Variants in HTT-AS observed in about 807,000 individuals in gnomAD.
HTT-AS encodes HTT antisense RNA.
exon 2 of HTT-AS, among the ~76,000 whole-genome samples, chr4:3,062,475 G>A (rs570466480): frequency 3.3e-5 from 5 of 152,176 alleles, no homozygotes; most frequent in East Asian, 3.9e-4. Flanking sequence ...TTCGATTCTA[G>A]GCACAGCATG....
chr4:3,058,811 C>T (rs1203171254), intron 2 of HTT-AS, among the ~76,000 whole-genome samples: 3 of 151,920 alleles, frequency 2.0e-5, no homozygotes, highest in Admixed American at 6.6e-5. Context: ...TCTCCACCTC[C>T]GAGGTTCCAG....
At chr4:3,067,530 C>T (rs1446830428) in intron 1 of HTT-AS, among the ~76,000 whole-genome samples, 1 of 152,218 alleles carries the variant, frequency 6.6e-6, no homozygotes, top group Non-Finnish European at 1.5e-5. Context: ...AAGTTCTCAT[C>T]ATCCCAGGGC....
At chr4:3,054,824 C>T (rs1172807176) in intron 2 of HTT-AS, among the ~76,000 whole-genome samples, 1 of 151,732 alleles carries the variant, frequency 6.6e-6, no homozygotes, top group Non-Finnish European at 1.5e-5. Flanking sequence ...AAGCGATTCT[C>T]CTGCCTCAGC....
intron 1 of HTT-AS, among the ~76,000 whole-genome samples, chr4:3,071,027 C>A (rs181381520): frequency 6.6e-6 from 1 of 152,216 alleles, no homozygotes; most frequent in South Asian, 2.1e-4. Context: ...AAGTCTTTCA[C>A]ATTAGATTTC....
chr4:3,048,178 C>A (rs1374303108), downstream of HTT-AS, among the ~76,000 whole-genome samples: 1 of 151,872 alleles, frequency 6.6e-6, no homozygotes, highest in African/African-American at 2.4e-5. Context: ...CTCATCTCCG[C>A]AGGTGAGGAG....
chr4:3,049,359 G>A (rs1435576582), exon 3 of HTT-AS, among the ~76,000 whole-genome samples: 1 of 152,074 alleles, frequency 6.6e-6, no homozygotes, highest in Non-Finnish European at 1.5e-5. Context: ...AGGAGGCAGA[G>A]GTTGCAGTGA....
At chr4:3,047,226 G>T (rs1253732042), downstream of HTT-AS, among the ~76,000 whole-genome samples, 5 of 152,230 alleles carry the variant, frequency 3.3e-5, no homozygotes, top group East Asian at 1.9e-4. Flanking sequence ...CAGGAGAATG[G>T]CATGAACCCG....
chr4:3,074,374 T>A (rs1294506687), intron 1 of HTT-AS: 1 of 134,830 alleles, frequency 7.4e-6, no homozygotes, highest in Non-Finnish European at 1.6e-5. Flanking sequence ...TCCCGCCCCG[T>A]CCCTTCCTCG....
chr4:3,047,323 CA>C (rs1430796746), downstream of HTT-AS, among the ~76,000 whole-genome samples: 1 of 151,402 alleles, frequency 6.6e-6, no homozygotes, highest in African/African-American at 2.4e-5. Context: ...AAAACAAAAA[CA>C]AAAACAAAAC....
intron 1 of HTT-AS, among the ~76,000 whole-genome samples, chr4:3,072,830 G>T (rs1446716168): frequency 6.6e-6 from 1 of 152,218 alleles, no homozygotes; most frequent in African/African-American, 2.4e-5. Context: ...GTTTCGCCAT[G>T]TTGGCCAGGC....
At chr4:3,054,569 A>C (rs1371174714) in intron 2 of HTT-AS, among the ~76,000 whole-genome samples, 1 of 152,206 alleles carries the variant, frequency 6.6e-6, no homozygotes, top group Non-Finnish European at 1.5e-5. Flanking sequence ...GATAAAGCTA[A>C]AAGTTTGAGC....
At chr4:3,047,048 A>C (rs1160304049), downstream of HTT-AS, among the ~76,000 whole-genome samples, 1 of 152,268 alleles carries the variant, frequency 6.6e-6, no homozygotes, top group Non-Finnish European at 1.5e-5. Context: ...GCAGTGGCTT[A>C]CGCCTATAAT....
chr4:3,062,964 A>C (rs1359086547), exon 2 of HTT-AS, among the ~76,000 whole-genome samples: 1 of 152,090 alleles, frequency 6.6e-6, no homozygotes, highest in African/African-American at 2.4e-5. Flanking sequence ...TCCCAGTCCA[A>C]CCGGACCTTT....
intron 1 of HTT-AS, among the ~76,000 whole-genome samples, chr4:3,069,307 G>A (rs1395624956): frequency 6.9e-6 from 1 of 145,938 alleles, no homozygotes; most frequent in African/African-American, 2.5e-5. Context: ...CACCACACCT[G>A]GCTAATTTTT....
intron 2 of HTT-AS, among the ~76,000 whole-genome samples, chr4:3,061,860 T>C (rs1578467741): frequency 1.3e-5 from 2 of 151,422 alleles, no homozygotes; most frequent in East Asian, 3.9e-4. Context: ...CGAGCACCTG[T>C]AGTCCCAGCT....
downstream of HTT-AS, among the ~76,000 whole-genome samples, chr4:3,047,128 G>T (rs187962120): frequency 6.6e-6 from 1 of 152,130 alleles, no homozygotes; most frequent in Non-Finnish European, 1.5e-5. Context: ...TGGCTAACAC[G>T]GTGAAACCCC....
At chr4:3,046,472 G>A (rs1415866400), downstream of HTT-AS, among the ~76,000 whole-genome samples, 1 of 152,200 alleles carries the variant, frequency 6.6e-6, no homozygotes, top group East Asian at 1.9e-4. Context: ...AATTAAGTTA[G>A]GTTGCAGTTC....
At chr4:3,060,929 C>A (rs905178809) in intron 2 of HTT-AS, among the ~76,000 whole-genome samples, 4 of 152,240 alleles carry the variant, frequency 2.6e-5, no homozygotes, top group African/African-American at 9.6e-5. Context: ...ACCACCTCCT[C>A]AAGCCTGTCT....
At chr4:3,074,549 T>G (rs1712347133), upstream of HTT-AS, 3 of 333,912 alleles carry the variant, frequency 9.0e-6, no homozygotes, top group Non-Finnish European at 1.6e-5. Flanking sequence ...AGGGGCGGGC[T>G]GGTTCCCTGG....
Sources: gnomAD v4.1 joint callset for allele counts (sites outside exome capture counted in the v4.1 genomes callset) on GRCh38, gnomAD v4.1.1 for gene constraint, MANE v1.5 for transcripts, NCBI Gene and HGNC (gene_info 2026-07-23, HGNC 2026-07-21) for gene names.